The following SPATA22 variants were observed in gnomAD, a reference collection of about 807,000 sequenced individuals.
SPATA22 encodes spermatogenesis associated 22, also known as spermatogenesis-associated protein 22.
SPATA22 carries 29 observed loss-of-function variants against 47.8 expected under a neutral mutation model. That is an observed-to-expected ratio of 0.61 (90% CI 0.45 to 0.83). The LOEUF is 0.83. Among genes scored for constraint, SPATA22 ranks in the 40% least tolerant of loss-of-function variants. SPATA22 has a pLI of 0.00. For missense variants in SPATA22, 410 were observed against 421.7 expected, an observed-to-expected ratio of 0.97 and a Z score of 0.24; for synonymous variants, 133 against 140.9, an observed-to-expected ratio of 0.94 and a Z score of 0.40.
chr17:3,464,510 G>A (rs1449809324), intron 3 of SPATA22, among the ~76,000 whole-genome samples: 4 of 131,582 alleles, frequency 3.0e-5, no homozygotes, highest in Non-Finnish European at 6.9e-5. Flanking sequence ...TCTCTGCCCG[G>A]CCGCCGTCCC....
intron 5 of SPATA22, among the ~76,000 whole-genome samples, chr17:3,449,381 G>A (rs2072806227): frequency 1.3e-5 from 2 of 152,046 alleles, no homozygotes. Flanking sequence ...AGTCATACAG[G>A]AAATTACTCA....
At chr17:3,512,441 A>G (rs2074126132) in intron 1 of SPATA22, 1 of 152,340 alleles carries the variant, frequency 6.6e-6, no homozygotes, top group East Asian at 1.9e-4. Flanking sequence ...CCCAGAGTGC[A>G]CTGCTAGGCC....
chr17:3,497,287 C>T (rs899178948), intron 1 of SPATA22, among the ~76,000 whole-genome samples: 1 of 152,154 alleles, frequency 6.6e-6, no homozygotes, highest in African/African-American at 2.4e-5. Flanking sequence ...GCCTGAAAAA[C>T]CACCGGTTCA....
At chr17:3,474,999 C>T (rs550127047), upstream of SPATA22, among the ~76,000 whole-genome samples, 15 of 152,232 alleles carry the variant, frequency 9.9e-5, no homozygotes, top group South Asian at 4.1e-4. Context: ...CCCACCCTAT[C>T]GTATAAAATT....
upstream of SPATA22, among the ~76,000 whole-genome samples, chr17:3,473,718 G>T (rs1398750145): frequency 6.6e-6 from 1 of 152,004 alleles, no homozygotes; most frequent in Non-Finnish European, 1.5e-5. Context: ...GGATGGTCTC[G>T]AACTCCTGAC....
chr17:3,476,090 C>G, upstream of SPATA22: 1 of 1,429,364 alleles, frequency 7.0e-7, no homozygotes, highest in African/African-American at 1.4e-5. Context: ...CTAAACCTTT[C>G]TTAAGAAAAT....
chr17:3,483,305 A>C (rs901581040), intron 1 of SPATA22, among the ~76,000 whole-genome samples: 1 of 152,146 alleles, frequency 6.6e-6, no homozygotes, highest in Non-Finnish European at 1.5e-5. Context: ...ATTGTATATG[A>C]ATTTCATATT....
chr17:3,440,456 C>G, intron 8 of SPATA22, 118 bp from the exon 9 acceptor site: 2 of 812,678 alleles, frequency 2.5e-6, no homozygotes, highest in Non-Finnish European at 3.7e-6. Context: ...AATTCCTTCA[C>G]GTGAGTCAGG....
intron 5 of SPATA22, 36 bp downstream of exon 5, chr17:3,462,447 G>A (rs1336625808): frequency 7.2e-7 from 1 of 1,391,094 alleles, no homozygotes; most frequent in East Asian, 2.3e-5. Flanking sequence ...AAAATGAGAA[G>A]GAATAGAAGA....
At chr17:3,513,670 C>A (rs1049015554) in exon 1 of SPATA22, 8 of 416,198 alleles carry the variant, frequency 1.9e-5, no homozygotes, top group African/African-American at 1.4e-4. Flanking sequence ...AGGCTCCAGA[C>A]TGCTGCTGGC....
At chr17:3,441,837 T>TAC (rs556262309) in intron 8 of SPATA22, 64 of 34,302 alleles carry the variant, frequency 1.9e-3, no homozygotes, top group African/African-American at 5.7e-3. Flanking sequence ...GAGCTACAGC[T>TAC]ACACACAACA....
chr17:3,448,911 C>G lies in SPATA22; in HGVS notation c.568G>C (p.Gly190Arg). 6.2e-7 allele frequency: 1 copy of G among 1,613,912 alleles called. No individual in the cohort carries two copies. Among genetic ancestry groups the G allele is most frequent in the Non-Finnish European group, 8.5e-7 (1 of 1,179,932 alleles). Residue 190 changes from glycine to arginine, a missense_variant, in exon 6 of 9, where the codon GGG (glycine) becomes CGG (arginine). Gly to Arg is a moderately radical substitution (Grantham distance 125). Coordinates refer to ENST00000572969, the MANE Select transcript of SPATA22 (RefSeq NM_001170698.2). ...SSKISGCTMR[G>R]LDKNSALQTL... ...TGTAGTGCACTGTTTTTGTCTAGCC[C>G]TCTCATTGTGCAGCCAGATATTTTT...
intron 1 of SPATA22, among the ~76,000 whole-genome samples, chr17:3,477,367 A>G (rs1254509124): frequency 6.6e-6 from 1 of 152,180 alleles, no homozygotes; most frequent in Non-Finnish European, 1.5e-5. Context: ...TTAGGTCCTT[A>G]TTAATTATTT....
In SPATA22 at chr17:3,446,541, C is replaced by T; in HGVS notation, c.733G>A (p.Ala245Thr). The change falls in exon 7 of 9, where the codon GCA becomes ACA. Residue 245 changes from alanine to threonine, a missense_variant. By Grantham distance (58) the Ala-to-Thr change is moderately conservative (BLOSUM62 0). Transcript: ENST00000572969. The stretch of plus-strand genomic sequence containing the variant: ...CAATACTTCATGCTTTCAATAACTG[C>T]AGAAATAATTCTTAAAGAACTAGCT... The part of the protein sequence containing the change: ...EKASSLRIIS[A>T]VIESMKYWRE... 1 of 1,607,162 alleles carries T rather than the reference C, an allele frequency of 6.2e-7. No individual in the cohort carries two copies. The highest frequency in any genetic ancestry group is 8.5e-7 in the Non-Finnish European group (1 of 1,176,264).
intron 5 of SPATA22, among the ~76,000 whole-genome samples, chr17:3,450,116 G>C (rs1412151317): frequency 6.6e-6 from 1 of 152,156 alleles, no homozygotes; most frequent in Non-Finnish European, 1.5e-5. Context: ...GCCTCCCAAA[G>C]TGCTGGGGCT....
chr17:3,501,300 A>C (rs1010036960), intron 1 of SPATA22: 1 of 152,254 alleles, frequency 6.6e-6, no homozygotes, highest in African/African-American at 2.4e-5. Flanking sequence ...AAGAACATTC[A>C]GGATCCGTGG....
At chr17:3,446,165 CA>C (rs1444107721) in intron 7 of SPATA22, among the ~76,000 whole-genome samples, 1 of 152,062 alleles carries the variant, frequency 6.6e-6, no homozygotes, top group Non-Finnish European at 1.5e-5. Context: ...ATAATCTTCC[CA>C]TTTCAAGATC....
At chr17:3,451,304 T>C (rs2150705407) in intron 5 of SPATA22, among the ~76,000 whole-genome samples, 1 of 152,116 alleles carries the variant, frequency 6.6e-6, no homozygotes, top group Non-Finnish European at 1.5e-5. Context: ...AGCACCTAAA[T>C]ATATAAAGCA....
At position 3,511,109 on chromosome 17, in the gene SPATA22, G is replaced by A. The variant is rs190136323; in HGVS notation, c.-74+2303C>T. The A allele has an allele frequency of 7.9e-5, 12 of 152,314 alleles. No homozygotes were observed. The highest frequency in any genetic ancestry group is 1.9e-4 in the East Asian group (1 of 5,178). 9.4% of individuals were successfully genotyped at this position (152,314 alleles called of 1,614,324 possible). ...CTGAAATTACTGAAATGTCAATCAC[G>A]GAGTTTTAGGATGTCCTGATAGACC... is the stretch of plus-strand genomic sequence containing the variant. On this transcript the variant is annotated intron_variant, in intron 1 of 8. Transcript: ENST00000541913.
Sources: allele counts gnomAD v4.1 joint callset (sites outside exome capture counted in the v4.1 genomes callset), GRCh38; gene constraint gnomAD v4.1.1; transcripts MANE v1.5; gene names NCBI Gene and HGNC (gene_info 2026-07-23, HGNC 2026-07-21).